The following DOCK1 variants were observed in gnomAD, a reference collection of about 807,000 sequenced individuals.
The protein encoded by DOCK1 is dedicator of cytokinesis protein 1.
In DOCK1, 138 loss-of-function variants were observed where a neutral mutation model predicts 262.7. The observed-to-expected ratio is 0.53, with a 90% CI of 0.46 to 0.61. The LOEUF (loss-of-function observed/expected upper bound fraction) is 0.61, where lower values mean the gene tolerates loss of function less well. Among genes scored for constraint, DOCK1 ranks in the 20% least tolerant of loss-of-function variants. DOCK1 has a pLI of 0.00. For missense variants in DOCK1, 1,908 were observed against 2,370.7 expected, an observed-to-expected ratio of 0.80 and a Z score of 4.05; for synonymous variants, 866 against 867.4, an observed-to-expected ratio of 1.00 and a Z score of 0.03.
chr10:127,020,993 G>T (rs1207210586), intron 13 of DOCK1, among the ~76,000 whole-genome samples: 1 of 152,206 alleles, frequency 6.6e-6, no homozygotes, highest in Admixed American at 6.5e-5. Context: ...TTTCCTTTGA[G>T]CTGGGAAGGT....
intron 46 of DOCK1, among the ~76,000 whole-genome samples, chr10:127,423,322 A>G (rs912405265): frequency 6.6e-6 from 1 of 152,124 alleles, no homozygotes; most frequent in East Asian, 1.9e-4. Context: ...CCGATATATA[A>G]TAAGCTCAGC....
At chr10:127,248,756 T>C (rs2059516867) in intron 28 of DOCK1, among the ~76,000 whole-genome samples, 3 of 152,202 alleles carry the variant, frequency 2.0e-5, no homozygotes, top group Admixed American at 2.0e-4. Flanking sequence ...ACTCTAAGAT[T>C]CCATTTCTAA....
chr10:127,439,069 G>A lies in DOCK1; in HGVS notation c.5103G>A (p.Arg1701=), dbSNP rs372787583. Residue 1701 remains arginine (R), a synonymous_variant, in exon 49 of 52, where the codon AGG becomes AGA. Transcript: ENST00000623213. ...TCCTGCCAAAGAAAATGCACTCCAGGTCCCAGGACAAGCTGGACAAGGATG... is the reference window on the plus strand; with the variant it reads ...TCCTGCCAAAGAAAATGCACTCCAGATCCCAGGACAAGCTGGACAAGGATG... The part of the protein sequence containing the change: ...EPLLPKKMHS[R]SQDKLDKDDL... 4 of 1,556,320 alleles carry A rather than the reference G, an allele frequency of 2.6e-6. No homozygotes were observed. Among genetic ancestry groups the A allele is most frequent in the African/African-American group, 2.7e-5 (2 of 73,228 alleles).
chr10:127,402,561 A>G, intron 38 of DOCK1: 1 of 476,284 alleles, frequency 2.1e-6, no homozygotes, highest in Admixed American at 2.1e-5. Flanking sequence ...TTTAGTTTAG[A>G]GTCGAAGTCT....
chr10:127,443,637 G>A lies in DOCK1; in HGVS notation c.5260-489G>A, dbSNP rs139634459. ...CCTAATGGCGGCATTGCTCATTACC[G>A]CCACCCCAAGAAGGTCATACAGTGG... is the stretch of plus-strand genomic sequence containing the variant. On this transcript the variant is annotated intron_variant, in intron 49 of 51. Coordinates refer to ENST00000623213, the MANE Select transcript of DOCK1 (RefSeq NM_001290223.2). Among the ~76,000 whole-genome samples the A allele has an allele frequency of 3.6e-3, 549 of 152,122 alleles. 1 individual carries two copies. The highest frequency in any genetic ancestry group is 6.5e-3 in the Non-Finnish European group (443 of 67,994).
At chr10:126,954,064 G>A (rs1415762469) in intron 1 of DOCK1, among the ~76,000 whole-genome samples, 1 of 152,210 alleles carries the variant, frequency 6.6e-6, no homozygotes, top group Non-Finnish European at 1.5e-5. Context: ...CTGCCCAGCA[G>A]CACCTCTGTA....
At chr10:127,144,690 A>C (rs1257368100) in intron 27 of DOCK1, among the ~76,000 whole-genome samples, 1 of 152,218 alleles carries the variant, frequency 6.6e-6, no homozygotes, top group South Asian at 2.1e-4. Context: ...ATATATATGG[A>C]TCTCATCCTA....
intron 22 of DOCK1, among the ~76,000 whole-genome samples, chr10:127,057,804 G>T (rs1055145596): frequency 6.6e-6 from 1 of 152,176 alleles, no homozygotes; most frequent in Non-Finnish European, 1.5e-5. Context: ...TAAATAATTA[G>T]TTATTGATCA....
chr10:127,314,260 A>G (rs59005025), intron 29 of DOCK1, among the ~76,000 whole-genome samples: 3,648 of 152,308 alleles, frequency 0.024, 152 homozygotes, highest in African/African-American at 0.082. Flanking sequence ...AGCACTGGGC[A>G]GGAGTGTGTG....
At chr10:127,027,808 G>C (rs1389952980) in intron 16 of DOCK1, among the ~76,000 whole-genome samples, 2 of 151,952 alleles carry the variant, frequency 1.3e-5, no homozygotes, top group African/African-American at 4.8e-5. Context: ...TGGACAGGGG[G>C]GCTGCAGGAG....
intron 23 of DOCK1, among the ~76,000 whole-genome samples, chr10:127,075,698 CA>C (rs1165654424): frequency 6.6e-6 from 1 of 152,076 alleles, no homozygotes; most frequent in East Asian, 1.9e-4. Flanking sequence ...TTTAAACCAT[CA>C]GATCTCATGA....
Position 127,004,772 on chromosome 10 carries a change from A to AC in DOCK1, c.986-3953dup, listed in dbSNP as rs1341119813. ...CCCCCCAACGGCCCCCTGCCCCGCC[A>AC]CCCCCCCGCCCCAAAAAAAAGAAAA... On this transcript the variant is annotated intron_variant, in intron 10 of 51. Transcript: ENST00000623213. Among the ~76,000 whole-genome samples, 99 of 15,014 alleles carry AC rather than the reference A, an allele frequency of 6.6e-3. 4 individuals carry two copies. Among genetic ancestry groups the AC allele is most frequent in the African/African-American group, 0.019 (83 of 4,282 alleles). 9.8% of individuals were successfully genotyped at this position (15,014 alleles called of 152,430 possible). A position where few individuals can be genotyped will look rare whatever the true frequency, so the allele number is the denominator to read the frequency against.
At chr10:127,235,153 G>A (rs937180137) in intron 27 of DOCK1, among the ~76,000 whole-genome samples, 24 of 150,396 alleles carry the variant, frequency 1.6e-4, no homozygotes, top group African/African-American at 3.2e-4. Context: ...TATAAAATAC[G>A]TATATTTTAT....
At chr10:127,189,470 T>C (rs1219744960) in intron 27 of DOCK1, among the ~76,000 whole-genome samples, 11 of 152,152 alleles carry the variant, frequency 7.2e-5, no homozygotes, top group Admixed American at 6.5e-4. Context: ...TTTTGCCACA[T>C]GGACAAATGT....
intron 29 of DOCK1, among the ~76,000 whole-genome samples, chr10:127,310,921 G>A (rs893676741): frequency 2.6e-5 from 4 of 152,188 alleles, no homozygotes; most frequent in Non-Finnish European, 4.4e-5. Context: ...AAATTACCCT[G>A]AAATGAGTGT....
Position 127,257,407 on chromosome 10 carries a change from A to G in DOCK1, c.3022A>G (p.Ile1008Val). ...GKNVYPFDWV[I>V]MNMVQNKVFL... ...GAACGTTTACCCCTTCGACTGGGTG[A>G]TCATGAACATGGTGCAAAATAAGTA... The change falls in exon 29 of 52, where the codon ATC becomes GTC. Residue 1008 changes from isoleucine to valine, a missense_variant. Transcript: ENST00000623213. 6.2e-7 allele frequency: 1 copy of G among 1,606,428 alleles called. No homozygotes were observed. Among genetic ancestry groups the G allele is most frequent in the South Asian group, 1.1e-5 (1 of 89,180 alleles).
At chr10:127,388,650 C>T (rs916209857) in intron 38 of DOCK1, among the ~76,000 whole-genome samples, 4 of 152,174 alleles carry the variant, frequency 2.6e-5, no homozygotes, top group African/African-American at 4.8e-5. Context: ...CCTTTTGGCT[C>T]GGAACCCAGA....
chr10:126,920,280 A>G (rs565588273), intron 1 of DOCK1, among the ~76,000 whole-genome samples: 1 of 152,386 alleles, frequency 6.6e-6, no homozygotes, highest in South Asian at 2.1e-4. Flanking sequence ...AAATTAAATT[A>G]AAGTTCCTTC....
intron 23 of DOCK1, among the ~76,000 whole-genome samples, chr10:127,094,934 A>G (rs1008537950): frequency 6.6e-6 from 1 of 152,144 alleles, no homozygotes; most frequent in African/African-American, 2.4e-5. Context: ...GTTTTCACCA[A>G]TTTGGGGGCT....
Sources: gnomAD v4.1 joint callset for allele counts (sites outside exome capture counted in the v4.1 genomes callset) on GRCh38, gnomAD v4.1.1 for gene constraint, MANE v1.5 for transcripts, NCBI Gene and HGNC (gene_info 2026-07-23, HGNC 2026-07-21) for gene names.